MORC1: variants seen among roughly 807,000 people sequenced by gnomAD.
MORC1 encodes MORC family CW-type zinc finger 1.
Under a neutral mutation model 134.9 loss-of-function variants are expected in MORC1, and 59 were observed. The observed-to-expected ratio is 0.44, with a 90% CI of 0.35 to 0.54. The LOEUF is 0.54. MORC1 is among the 20% of genes least tolerant of loss of function. MORC1 has a pLI of 0.00. For synonymous variants in MORC1, 395 were observed against 391.7 expected, an observed-to-expected ratio of 1.01 and a Z score of -0.10; for missense variants, 947 against 1,134.5, an observed-to-expected ratio of 0.83 and a Z score of 2.37.
chr3:109,023,433 T>G (rs1449105690), intron 17 of MORC1, among the ~76,000 whole-genome samples: 1 of 152,220 alleles, frequency 6.6e-6, no homozygotes, highest in Non-Finnish European at 1.5e-5. Context: ...ATTGCAGAAA[T>G]ATATTGATTA....
intron 14 of MORC1, among the ~76,000 whole-genome samples, chr3:109,040,459 A>G (rs1391955719): frequency 8.1e-5 from 12 of 148,470 alleles, no homozygotes; most frequent in Non-Finnish European, 1.0e-4. Flanking sequence ...AAAGAAAGAA[A>G]GAAAGAAAGA....
intron 17 of MORC1, 140 bp from the exon 18 acceptor site, chr3:109,007,231 A>G: frequency 1.6e-6 from 1 of 609,264 alleles, no homozygotes; most frequent in Non-Finnish European, 2.8e-6. Flanking sequence ...CAAGGAGTGC[A>G]TTTAAGTTTA....
rs909050067 is a variant in MORC1 at position 108,962,280 on chromosome 3, A to T, written c.2799+1134T>A. Among the ~76,000 whole-genome samples, 10 of 92,514 alleles carry T rather than the reference A, an allele frequency of 1.1e-4. No homozygotes were observed. The East Asian group carries it at 1.5e-3, about 14-fold the overall frequency. 60.7% of individuals were successfully genotyped at this position (92,514 alleles called of 152,430 possible). On this transcript the variant is annotated intron_variant, in intron 27 of 27. Coordinates refer to ENST00000232603, the MANE Select transcript of MORC1 (RefSeq NM_014429.4). The stretch of plus-strand genomic sequence containing the variant: ...GGCAATATACTTAAATTAAGCAAAT[A>T]AAAAAAAAAAAAGCTTTTCTGCATT...
chr3:108,978,575 T>C (rs1250067021), intron 24 of MORC1, among the ~76,000 whole-genome samples: 2 of 152,146 alleles, frequency 1.3e-5, no homozygotes, highest in East Asian at 3.9e-4. Context: ...CTACTGGGGT[T>C]AGCAGTCTCC....
chr3:109,099,194 T>C (rs777572503), intron 6 of MORC1, among the ~76,000 whole-genome samples, 164 bp downstream of exon 6: 1 of 152,168 alleles, frequency 6.6e-6, no homozygotes, highest in African/African-American at 2.4e-5. Flanking sequence ...GGACAGGTCT[T>C]TGATGTCCCC....
At chr3:108,994,744 C>T (rs929304188) in intron 21 of MORC1, among the ~76,000 whole-genome samples, 1 of 152,036 alleles carries the variant, frequency 6.6e-6, no homozygotes, top group Admixed American at 6.5e-5. Context: ...TGCTATTCAA[C>T]TTCTCCAACT....
chr3:109,079,267 C>T (rs1950482059), intron 8 of MORC1, among the ~76,000 whole-genome samples: 1 of 151,998 alleles, frequency 6.6e-6, no homozygotes, highest in Admixed American at 6.6e-5. Flanking sequence ...AATAATACAT[C>T]ATGATCTTGT....
intron 9 of MORC1, among the ~76,000 whole-genome samples, chr3:109,068,970 AC>A (rs1263041361): frequency 2.0e-5 from 3 of 152,226 alleles, no homozygotes; most frequent in Non-Finnish European, 4.4e-5. Context: ...AGCCTGGTCA[AC>A]ATGGTGAAAC....
In MORC1 at chr3:109,005,150, T is replaced by A; in HGVS notation, c.1933A>T (p.Met645Leu). The change falls in exon 19 of 28, where the codon ATG becomes TTG. Residue 645 changes from methionine (M) to leucine (L), a missense_variant. Physicochemically the swap from Met to Leu is conservative, Grantham distance 15 (BLOSUM62 2). This residue lies in a region of MORC1 where 722 missense variants were observed against 817.0 expected (regional missense o/e 0.88). Transcript: ENST00000232603. Reference sequence around the variant, plus strand: ...TGTTGAGAGTTCATTTTCTCCTCCATAGACTTTTTCATAATTTTTGTTTCT... The same window carrying A: ...TGTTGAGAGTTCATTTTCTCCTCCAAAGACTTTTTCATAATTTTTGTTTCT... ...ISETKIMKKSMEEKMNSQQQR... is the reference protein window; with the variant it reads ...ISETKIMKKSLEEKMNSQQQR... The A allele has an allele frequency of 6.2e-7, 1 of 1,613,978 alleles. No individual in the cohort carries two copies. Among genetic ancestry groups the A allele is most frequent in the Non-Finnish European group, 8.5e-7 (1 of 1,179,946 alleles).
intron 6 of MORC1, among the ~76,000 whole-genome samples, chr3:109,098,910 A>C (rs1950875816): frequency 6.6e-6 from 1 of 152,234 alleles, no homozygotes; most frequent in Non-Finnish European, 1.5e-5. Context: ...GGTAATTAAT[A>C]AAATGCCTCT....
chr3:109,109,937 A>G (rs764566185), intron 3 of MORC1: 4 of 152,194 alleles, frequency 2.6e-5, no homozygotes, highest in Non-Finnish European at 4.4e-5. Flanking sequence ...ATTTATCAGC[A>G]ATAAAGGCTG....
At chr3:109,089,703 C>T (rs1412757186) in intron 8 of MORC1, among the ~76,000 whole-genome samples, 1 of 152,056 alleles carries the variant, frequency 6.6e-6, no homozygotes, top group Non-Finnish European at 1.5e-5. Flanking sequence ...CAAAAAATTA[C>T]CACAACATAA....
At chr3:109,049,104 C>A (rs1343874682) in intron 14 of MORC1, 1 of 973,314 alleles carries the variant, frequency 1.0e-6, no homozygotes, top group Admixed American at 6.2e-5. Context: ...CATATTCTCA[C>A]CTTTTAATAT....
At chr3:109,104,866 A>AC in intron 3 of MORC1, among the ~76,000 whole-genome samples, 1 of 149,188 alleles carries the variant, frequency 6.7e-6, no homozygotes, top group East Asian at 2.0e-4. Flanking sequence ...GACAAATTTT[A>AC]ACACACACAC....
chr3:109,007,939 A>ATCTGTGTGTGTG (rs1316078685), intron 17 of MORC1, among the ~76,000 whole-genome samples: 1 of 136,736 alleles, frequency 7.3e-6, no homozygotes, highest in African/African-American at 2.6e-5. Flanking sequence ...AAGCACATAT[A>ATCTGTGTGTGTG]TATGTGTGTG....
intron 24 of MORC1, among the ~76,000 whole-genome samples, chr3:108,973,647 T>C (rs895196863): frequency 1.7e-4 from 24 of 143,196 alleles, no homozygotes; most frequent in Admixed American, 7.2e-4. Context: ...GAGGCTGGAA[T>C]GCAGTGGTGC....
At chr3:108,970,015 A>T (rs990604440) in intron 25 of MORC1, among the ~76,000 whole-genome samples, 1 of 152,246 alleles carries the variant, frequency 6.6e-6, no homozygotes, top group South Asian at 2.1e-4. Context: ...AAAATAATAA[A>T]TATTCAAAGG....
chr3:108,970,731 A>T (rs1947354203), intron 25 of MORC1, among the ~76,000 whole-genome samples: 1 of 152,166 alleles, frequency 6.6e-6, no homozygotes, highest in Non-Finnish European at 1.5e-5. Context: ...GCAGCTTGTC[A>T]GGCATGTGCA....
At chr3:109,046,307 G>A (rs190933251) in intron 14 of MORC1, among the ~76,000 whole-genome samples, 1 of 152,062 alleles carries the variant, frequency 6.6e-6, no homozygotes, top group Non-Finnish European at 1.5e-5. Context: ...AACAACACTG[G>A]GGAAAATTAT....
Sources: allele counts gnomAD v4.1 joint callset (sites outside exome capture counted in the v4.1 genomes callset), GRCh38; gene constraint gnomAD v4.1.1; regional missense constraint gnomAD v4.1.1; transcripts MANE v1.5; gene names NCBI Gene and HGNC (gene_info 2026-07-23, HGNC 2026-07-21).